VWA3A: variants seen among roughly 807,000 people sequenced by gnomAD.
VWA3A encodes the protein von Willebrand factor A domain-containing protein 3A.
VWA3A carries 134 observed loss-of-function variants against 160.4 expected under a neutral mutation model. The observed-to-expected ratio is 0.84, with a 90% CI of 0.73 to 0.96. The LOEUF (loss-of-function observed/expected upper bound fraction) is 0.96, where lower values mean the gene tolerates loss of function less well. Ranked by LOEUF, VWA3A falls within the 40% of genes least tolerant of loss-of-function variation. VWA3A has a pLI of 0.00. For missense variants in VWA3A, 1,310 were observed against 1,447.9 expected, an observed-to-expected ratio of 0.90 and a Z score of 1.55; for synonymous variants, 476 against 543.4, an observed-to-expected ratio of 0.88 and a Z score of 1.72.
At position 22,097,626 on chromosome 16, in the gene VWA3A, G is replaced by C; in HGVS notation, c.156G>C (p.Met52Ile). ...DSKKPLKQKN[M>I]NGLGQNSDNG... is the part of the protein sequence containing the mutation. ...AGAAGCCACTAAAGCAGAAGAATATGAATGGACTTGGGCAAAATTCGGACA... is the reference window on the plus strand; with the variant it reads ...AGAAGCCACTAAAGCAGAAGAATATCAATGGACTTGGGCAAAATTCGGACA... Residue 52 changes from methionine to isoleucine, a missense_variant, in exon 3 of 34, where the codon ATG (methionine) becomes ATC (isoleucine). Met to Ile is a conservative substitution (Grantham distance 10). Transcript: ENST00000389398. 1 of 1,551,870 alleles carries C rather than the reference G, an allele frequency of 6.4e-7. No individual in the cohort carries two copies. Among genetic ancestry groups the C allele is most frequent in the Non-Finnish European group, 8.7e-7 (1 of 1,147,022 alleles).
intron 26 of VWA3A, among the ~76,000 whole-genome samples, chr16:22,144,871 G>A (rs557542218): frequency 9.9e-5 from 15 of 152,116 alleles, no homozygotes; most frequent in South Asian, 4.2e-4. Flanking sequence ...CCGTGATCAC[G>A]CCACTGCACT....
In VWA3A at chr16:22,097,646, C is replaced by T. The variant is rs747837097; in HGVS notation, c.176C>T (p.Ser59Leu). ...QKNMNGLGQN[S>L]DNGLLVTHVN... ...AATATGAATGGACTTGGGCAAAATT[C>T]GGACAATGGATTATTGGTTACACAT... The change falls in exon 3 of 34, where the codon TCG becomes TTG. Residue 59 changes from serine (S) to leucine (L), a missense_variant. By Grantham distance (145) the Ser-to-Leu change is moderately radical. Coordinates refer to ENST00000389398, the MANE Select transcript of VWA3A (RefSeq NM_173615.5). 1.7e-5 allele frequency: 26 copies of T among 1,551,590 alleles called. No homozygotes were observed. In the East Asian group the frequency reaches 2.4e-4, roughly 15 times the overall value.
intron 6 of VWA3A, 54 bp from the exon 7 acceptor site, chr16:22,109,428 T>C: frequency 7.0e-7 from 1 of 1,432,114 alleles, no homozygotes; most frequent in Non-Finnish European, 9.6e-7. Context: ...CAGCTCAGTG[T>C]AGGAGACACA....
chr16:22,135,893 A>G (rs1052901019), intron 21 of VWA3A, among the ~76,000 whole-genome samples: 1 of 152,042 alleles, frequency 6.6e-6, no homozygotes, highest in Non-Finnish European at 1.5e-5. Context: ...GAGTTCAAGC[A>G]ATTCTCCTGT....
chr16:22,094,939 C>A (rs1386494092), intron 1 of VWA3A, among the ~76,000 whole-genome samples: 4 of 150,576 alleles, frequency 2.7e-5, no homozygotes, highest in Admixed American at 2.6e-4. Flanking sequence ...TGCACTCCAG[C>A]CTGGGTGACA....
chr16:22,116,158 GAAGA>G (rs1259018318), intron 9 of VWA3A, among the ~76,000 whole-genome samples: 31 of 145,324 alleles, frequency 2.1e-4, no homozygotes, highest in South Asian at 1.7e-3. Flanking sequence ...AAATAAAAAG[GAAGA>G]AAGAAAGAAA....
intron 8 of VWA3A, among the ~76,000 whole-genome samples, chr16:22,115,030 T>A (rs1195756059): frequency 6.6e-6 from 1 of 151,862 alleles, no homozygotes; most frequent in Non-Finnish European, 1.5e-5. Context: ...TGGTCTTGAA[T>A]TCCTGACCTC....
chr16:22,114,228 G>T (rs917410736), intron 8 of VWA3A, among the ~76,000 whole-genome samples: 3 of 152,130 alleles, frequency 2.0e-5, no homozygotes, highest in African/African-American at 4.8e-5. Flanking sequence ...TCAGATTTTT[G>T]ATTTTTTGAA....
At position 22,131,105 on chromosome 16, in the gene VWA3A, T is replaced by C. The variant is rs2045938458; in HGVS notation, c.1653-100T>C. Reference sequence around the variant, plus strand: ...CATCCTCACATTTTAGGGGATCTCATCAGAATTTTGTCCCCACTAAAAGCC... The same window carrying C: ...CATCCTCACATTTTAGGGGATCTCACCAGAATTTTGTCCCCACTAAAAGCC... On this transcript the variant is annotated intron_variant, in intron 17 of 33. Transcript: ENST00000389398. The C allele has an allele frequency of 6.7e-6, 7 of 1,037,718 alleles. No homozygotes were observed. In the Admixed American group the frequency reaches 1.4e-4, roughly 21 times the overall value. 64.3% of individuals were successfully genotyped at this position (1,037,718 alleles called of 1,614,324 possible).
In VWA3A at chr16:22,106,151, G is replaced by A. The variant is rs139482064; in HGVS notation, c.483+2622G>A. On this transcript the variant is annotated intron_variant, in intron 6 of 33. Transcript: ENST00000389398. ...TGTAATCCCAGCACTTTGGGAGGCC[G>A]AGGCAGATGGATCACTTGAGGTCAG... is the stretch of plus-strand genomic sequence containing the variant. Among the ~76,000 whole-genome samples, 363 of 152,238 alleles carry A rather than the reference G, an allele frequency of 2.4e-3. 15 individuals carry two copies. In the East Asian group the frequency reaches 0.064, roughly 27 times the overall value.
At chr16:22,138,689 G>A (rs1598094320) in intron 22 of VWA3A, 177 bp downstream of exon 22, 17 of 825,720 alleles carry the variant, frequency 2.1e-5, no homozygotes, top group South Asian at 1.3e-4. Context: ...GCGGGGGGCC[G>A]GCTCCTCAGC....
At chr16:22,098,056 G>A (rs2045351700) in intron 3 of VWA3A, among the ~76,000 whole-genome samples, 1 of 152,212 alleles carries the variant, frequency 6.6e-6, no homozygotes, top group African/African-American at 2.4e-5. Context: ...TTCAGGAAGT[G>A]CTGTTGGACA....
rs2045656996 is a variant in VWA3A, at chr16:22,116,854, A to C, written c.911A>C (p.Asp304Ala). 1.2e-6 allele frequency: 2 copies of C among 1,612,996 alleles called. No homozygotes were observed. The highest frequency in any genetic ancestry group is 8.5e-7 in the Non-Finnish European group (1 of 1,179,704). Residue 304 changes from aspartate (D) to alanine (A), a missense_variant, in exon 10 of 34, where the codon GAT becomes GCT. Asp to Ala is a moderately radical substitution (Grantham distance 126, BLOSUM62 -2). Transcript: ENST00000389398. ...IIHFITYRCD[D>A]QMPPAVLKNL... ...CACTTCATCACCTACAGATGCGATGATCAGATGCCCCCTGTGAGTGCCCGA... is the reference window on the plus strand; with the variant it reads ...CACTTCATCACCTACAGATGCGATGCTCAGATGCCCCCTGTGAGTGCCCGA...
chr16:22,153,148 C>A (rs1434569280), intron 31 of VWA3A, among the ~76,000 whole-genome samples: 2 of 152,124 alleles, frequency 1.3e-5, no homozygotes, highest in Non-Finnish European at 2.9e-5. Context: ...GAGTTTGAGA[C>A]CAGCCTGGCC....
In VWA3A at chr16:22,100,434, C is replaced by T. The variant is rs1483433461; in HGVS notation, c.369C>T (p.Val123=). 8 of 1,551,514 alleles carry T rather than the reference C, an allele frequency of 5.2e-6. No individual in the cohort carries two copies. In the African/African-American group the frequency reaches 6.8e-5, roughly 13 times the overall value. Residue 123 remains valine (V), a synonymous_variant, in exon 5 of 34, where the codon GTC becomes GTT. Transcript: ENST00000389398. ...TCTTCAGGGAGGAGGGCACCAATGTCGTGCAGAAAATATGTTTCTCCACCC... is the reference window on the plus strand; with the variant it reads ...TCTTCAGGGAGGAGGGCACCAATGTTGTGCAGAAAATATGTTTCTCCACCC... The part of the protein sequence containing the change: ...GTEVLEEGTN[V]VQKICFSTQI...
intron 27 of VWA3A, chr16:22,147,556 G>A: frequency 1.4e-6 from 1 of 703,022 alleles, no homozygotes. Context: ...TCAGGGTCCT[G>A]TGTAAATTCA....
chr16:22,113,363 CTTTTTT>C (rs569069206), intron 8 of VWA3A, among the ~76,000 whole-genome samples: 18 of 46,244 alleles, frequency 3.9e-4, no homozygotes, highest in Non-Finnish European at 1.8e-4. Flanking sequence ...GGCTAATTTT[CTTTTTT>C]TTTTTTTTTT....
At position 22,132,936 on chromosome 16, in the gene VWA3A, G is replaced by A. The variant is rs200694202; in HGVS notation, c.1909G>A (p.Gly637Ser). 1,004 of 1,613,798 alleles carry A rather than the reference G, an allele frequency of 6.2e-4. No homozygotes were observed. The highest frequency in any genetic ancestry group is 7.9e-4 in the Non-Finnish European group (935 of 1,179,874). ...LSAYMAEACG[G>S]CDLQLNVCLF... The stretch of plus-strand genomic sequence containing the variant: ...TGCCTACATGGCTGAGGCCTGTGGC[G>A]GCTGCGACCTCCAGCTGAACGTGTG... Residue 637 changes from glycine to serine, a missense_variant, in exon 20 of 34, where the codon GGC (glycine) becomes AGC (serine). Gly to Ser is a moderately conservative substitution (Grantham distance 56, BLOSUM62 0). Coordinates refer to ENST00000389398, the MANE Select transcript of VWA3A (RefSeq NM_173615.5).
Position 22,140,149 on chromosome 16 carries a change from T to C in VWA3A, c.2293-5T>C. On this transcript the variant is annotated splice_polypyrimidine_tract_variant and splice_region_variant and intron_variant, in intron 22 of 33. Transcript: ENST00000389398. ...CTCTGATGGGAAAGATTGCCTGTTT[T>C]CTAGAGCATTAAAGATGACCCTGAC... The C allele has an allele frequency of 6.2e-7, 1 of 1,612,860 alleles. No individual in the cohort carries two copies. Among genetic ancestry groups the C allele is most frequent in the African/African-American group, 1.3e-5 (1 of 74,986 alleles).
Sources: gnomAD v4.1 joint callset for allele counts (sites outside exome capture counted in the v4.1 genomes callset) on GRCh38, gnomAD v4.1.1 for gene constraint, MANE v1.5 for transcripts, NCBI Gene and HGNC (gene_info 2026-07-23, HGNC 2026-07-21) for gene names.